FRMPD4: variants seen among roughly 807,000 people sequenced by gnomAD.
The protein encoded by FRMPD4 is FERM and PDZ domain-containing protein 4.
Under a neutral mutation model 94.1 loss-of-function variants are expected in FRMPD4, and 22 were observed. The ratio of observed to expected loss-of-function variants is 0.23; its 90% CI spans 0.17 to 0.33. FRMPD4 has a LOEUF of 0.33. Among genes scored for constraint, FRMPD4 ranks in the 10% least tolerant of loss-of-function variants. FRMPD4 has a pLI of 1.00. For missense variants in FRMPD4, 1,111 were observed against 1,339.9 expected, an observed-to-expected ratio of 0.83 and a Z score of 2.67; for synonymous variants, 631 against 548.6, an observed-to-expected ratio of 1.15 and a Z score of -2.10.
chrX:12,665,267 C>A (rs764992273), intron 4 of FRMPD4, among the ~76,000 whole-genome samples: 2 of 110,967 alleles, frequency 1.8e-5, no homozygotes, highest in East Asian at 5.7e-4. Context: ...ACGAAGAAAC[C>A]CCATCTCTAC....
At chrX:12,002,646 T>C (rs1194762608) in intron 3 of FRMPD4, among the ~76,000 whole-genome samples, 1 of 112,023 alleles carries the variant, frequency 8.9e-6, no homozygotes, top group Non-Finnish European at 1.9e-5. Context: ...TAGTAGGTGC[T>C]CAATAAATGT....
chrX:12,139,554 G>GTTTT lies in FRMPD4; in HGVS notation c.41+542_41+543insTTTT, dbSNP rs1247823214. ...AGACTTTCAGCCTTTTTTTTTTTGG[G>GTTTT]GGGGGGGTAACTATATTCTTAAGCC... On this transcript the variant is annotated intron_variant, in intron 1 of 16. Coordinates refer to ENST00000675598, the MANE Select transcript of FRMPD4 (RefSeq NM_001368397.1). Among the ~76,000 whole-genome samples, 65 of 102,594 alleles carry GTTTT rather than the reference G, an allele frequency of 6.3e-4. 1 individual carries two copies. Among genetic ancestry groups the GTTTT allele is most frequent in the African/African-American group, 2.3e-3 (63 of 27,741 alleles). The allele number at this position is 102,594 out of a possible 115,157, so 89.1% of individuals were successfully genotyped here.
At chrX:12,128,900 G>A (rs143575871) in intron 3 of FRMPD4, among the ~76,000 whole-genome samples, 3,383 of 111,903 alleles carry the variant, frequency 0.03, 61 homozygotes, top group African/African-American at 0.06. Context: ...CATAGCAAGA[G>A]TCGCCTTTAT....
chrX:11,955,292 G>T lies in FRMPD4; in HGVS notation c.95+77274G>T, dbSNP rs183471148. 1.1e-3 allele frequency among the ~76,000 whole-genome samples: 123 copies of T among 110,166 alleles called. No individual in the cohort carries two copies. The East Asian group carries it at 0.026, about 24-fold the overall frequency. On this transcript the variant is annotated intron_variant, in intron 3 of 18. Transcript: ENST00000640291. ...TGGTTGGTGGGTGGGTGCGTGGGGG[G>T]ACACAAACATTCAGGCCATAGCAAT...
chrX:11,958,151 G>T (rs772501177), intron 3 of FRMPD4, among the ~76,000 whole-genome samples: 1 of 111,778 alleles, frequency 8.9e-6, no homozygotes, highest in East Asian at 2.8e-4. Context: ...TGGATTTTCT[G>T]ATCCAGACTC....
At chrX:12,191,685 A>G (rs1021525516) in intron 1 of FRMPD4, among the ~76,000 whole-genome samples, 4 of 112,094 alleles carry the variant, frequency 3.6e-5, no homozygotes, top group African/African-American at 1.3e-4. Flanking sequence ...GCCATTCTGG[A>G]AAAGGCAAAA....
At chrX:12,411,160 C>T (rs2056727861) in intron 1 of FRMPD4, among the ~76,000 whole-genome samples, 1 of 111,340 alleles carries the variant, frequency 9.0e-6, no homozygotes, top group African/African-American at 3.3e-5. Flanking sequence ...GATTTTCTTC[C>T]AAACTCCCAA....
intron 1 of FRMPD4, among the ~76,000 whole-genome samples, chrX:12,152,496 C>A (rs976483300): frequency 1.8e-5 from 2 of 110,843 alleles, no homozygotes; most frequent in Non-Finnish European, 3.8e-5. Context: ...AGAAGAAAAT[C>A]TATTTAGACA....
At chrX:12,546,345 T>C (rs2058476126) in intron 2 of FRMPD4, among the ~76,000 whole-genome samples, 1 of 111,169 alleles carries the variant, frequency 9.0e-6, no homozygotes, top group African/African-American at 3.3e-5. Flanking sequence ...ACCCGGCTAA[T>C]CTTTGTATTT....
At chrX:12,033,648 G>T (rs1478822838) in intron 3 of FRMPD4, among the ~76,000 whole-genome samples, 2 of 111,608 alleles carry the variant, frequency 1.8e-5, no homozygotes, top group African/African-American at 3.3e-5. Flanking sequence ...GGGTTGTACT[G>T]GGTGTCATAC....
At chrX:11,965,149 G>A (rs1325099772) in intron 3 of FRMPD4, among the ~76,000 whole-genome samples, 1 of 112,408 alleles carries the variant, frequency 8.9e-6, no homozygotes, top group Admixed American at 9.4e-5. Context: ...GCAATGTAAC[G>A]TAACATATTC....
intron 2 of FRMPD4, among the ~76,000 whole-genome samples, chrX:12,544,357 C>T (rs1363341768): frequency 1.8e-5 from 2 of 111,695 alleles, no homozygotes; most frequent in African/African-American, 3.3e-5. Flanking sequence ...CAATTATATA[C>T]TTTATCTGGG....
intron 1 of FRMPD4, among the ~76,000 whole-genome samples, chrX:12,434,638 C>T (rs1256702506): frequency 8.9e-6 from 1 of 112,322 alleles, no homozygotes; most frequent in African/African-American, 3.2e-5. Flanking sequence ...CTGTTTAGCT[C>T]AGACCTGGCT....
chrX:11,854,475 G>T (rs763923210), intron 1 of FRMPD4, among the ~76,000 whole-genome samples: 1 of 112,006 alleles, frequency 8.9e-6, no homozygotes, highest in Non-Finnish European at 1.9e-5. Flanking sequence ...AGTCCCTTCT[G>T]CCTATGAGCC....
At chrX:12,385,716 CAT>C (rs1449745030) in intron 1 of FRMPD4, among the ~76,000 whole-genome samples, 1 of 112,103 alleles carries the variant, frequency 8.9e-6, no homozygotes, top group Non-Finnish European at 1.9e-5. Flanking sequence ...AGTATATTAA[CAT>C]GTAATTAAAA....
At position 12,380,697 on chromosome X, in the gene FRMPD4, A is replaced by C. The variant is rs2056306367; in HGVS notation, c.42-117983A>C. 6.2e-5 allele frequency among the ~76,000 whole-genome samples: 7 copies of C among 112,344 alleles called. No individual in the cohort carries two copies. In the South Asian group the frequency reaches 2.6e-3, roughly 42 times the overall value. On this transcript the variant is annotated intron_variant, in intron 1 of 16. Coordinates refer to ENST00000675598, the MANE Select transcript of FRMPD4 (RefSeq NM_001368397.1). ...TAAAACAGCTGGGAAGAGTTCTGTG[A>C]TGCTGGAAGTCAGAAACGCCTGTGC...
At chrX:12,202,815 G>A (rs1353795718) in intron 1 of FRMPD4, among the ~76,000 whole-genome samples, 1 of 112,075 alleles carries the variant, frequency 8.9e-6, no homozygotes, top group Non-Finnish European at 1.9e-5. Flanking sequence ...AGGATGCCAT[G>A]TAACAACAGA....
intron 1 of FRMPD4, among the ~76,000 whole-genome samples, chrX:12,201,873 T>G (rs190880661): frequency 6.3e-5 from 7 of 111,952 alleles, no homozygotes; most frequent in Admixed American, 5.7e-4. Flanking sequence ...TTTCTTCAAT[T>G]TTATGGCTGT....
chrX:11,833,938 T>C lies in FRMPD4; in HGVS notation c.-161+11223T>C, dbSNP rs909831818. ...CCAGATGAAACAGCTGTGACAGATA[T>C]ATGAGCTTGAGCCCCAGAAAGACTG... On this transcript the variant is annotated intron_variant, in intron 1 of 18. Transcript: ENST00000640291. Among the ~76,000 whole-genome samples, 8 of 111,761 alleles carry C rather than the reference T, an allele frequency of 7.2e-5. No individual in the cohort carries two copies. The East Asian group carries it at 2.3e-3, about 32-fold the overall frequency.
Sources: gnomAD v4.1 joint callset for allele counts (sites outside exome capture counted in the v4.1 genomes callset) on GRCh38, gnomAD v4.1.1 for gene constraint, MANE v1.5 for transcripts, NCBI Gene and HGNC (gene_info 2026-07-23, HGNC 2026-07-21) for gene names.